Variants in TMC1 observed in about 807,000 individuals in gnomAD.
TMC1 encodes the protein transmembrane channel like 1, also known as transmembrane channel-like protein 1.
Under a neutral mutation model 105.8 loss-of-function variants are expected in TMC1, and 84 were observed. The observed-to-expected ratio is 0.79, with a 90% CI of 0.67 to 0.95. The LOEUF is 0.95. TMC1 is among the 40% of genes least tolerant of loss of function. The probability of loss-of-function intolerance (pLI) is 0.00; values close to 1 mark genes in which losing one functional copy is unlikely to be tolerated. For synonymous variants in TMC1, 315 were observed against 311.5 expected (o/e 1.01, Z -0.12); for missense variants, 817 against 914.1 (o/e 0.89, Z 1.37).
At chr9:72,636,144 G>A (rs1825530984) in intron 4 of TMC1, among the ~76,000 whole-genome samples, 1 of 152,138 alleles carries the variant, frequency 6.6e-6, no homozygotes, top group Admixed American at 6.5e-5. Context: ...CCTGAGGATG[G>A]AGACTTTCTA....
rs185001472 is a variant in TMC1 at position 72,682,458 on chromosome 9, T to C, written c.17-6251T>C. On this transcript the variant is annotated intron_variant, in intron 5 of 23. Transcript: ENST00000297784. ...AGAACTACATAATTATTCTCTTCAT[T>C]CAATGGCTTCTGAAATATTATGTTT... is the stretch of plus-strand genomic sequence containing the variant. Among the ~76,000 whole-genome samples, 619 of 152,314 alleles carry C rather than the reference T, an allele frequency of 4.1e-3. 5 individuals are homozygous for C. Among genetic ancestry groups the C allele is most frequent in the African/African-American group, 0.013 (558 of 41,570 alleles).
Position 72,698,377 on chromosome 9 carries a change from TTGTAAGGTGAACTATAAAACTGTGGATA to T in TMC1, c.237-2137_237-2110del, listed in dbSNP as rs59413829. On this transcript the variant is annotated intron_variant, in intron 7 of 23. Transcript: ENST00000297784. ...CAAATAAAGGAGATTGAAAGTCATT[TTGTAAGGTGAACTATAAAACTGTGGATA>T]TGTCCTTTTCCTCAACTAGAACTTT... Among the ~76,000 whole-genome samples, 340 of 152,340 alleles carry T rather than the reference TTGTAAGGTGAACTATAAAACTGTGGATA, an allele frequency of 2.2e-3. 3 individuals are homozygous for T. The highest frequency in any genetic ancestry group is 7.9e-3 in the African/African-American group (328 of 41,588).
chr9:72,740,483 T>C (rs1264684349), intron 9 of TMC1, among the ~76,000 whole-genome samples: 6 of 152,210 alleles, frequency 3.9e-5, no homozygotes. Flanking sequence ...TATAAAAGAT[T>C]GCATCCTTTT....
intron 1 of TMC1, among the ~76,000 whole-genome samples, chr9:72,552,596 A>G (rs1268721999): frequency 2.0e-5 from 3 of 152,232 alleles, no homozygotes; most frequent in Non-Finnish European, 4.4e-5. Context: ...ATCACAAGAT[A>G]CTTGGAAAAG....
chr9:72,791,848 C>A, intron 15 of TMC1, 38 bp from the exon 16 acceptor site: 1 of 1,571,058 alleles, frequency 6.4e-7, no homozygotes, highest in Non-Finnish European at 8.7e-7. Context: ...TAACTTTAAA[C>A]ACCATTAACC....
At chr9:72,613,817 TGA>T (rs1825076920) in intron 2 of TMC1, among the ~76,000 whole-genome samples, 1 of 151,978 alleles carries the variant, frequency 6.6e-6, no homozygotes, top group South Asian at 2.1e-4. Context: ...TCTCAGGAGT[TGA>T]GAGAGACTGG....
At chr9:72,682,324 A>T (rs1826301861) in intron 5 of TMC1, among the ~76,000 whole-genome samples, 1 of 152,162 alleles carries the variant, frequency 6.6e-6, no homozygotes, top group Non-Finnish European at 1.5e-5. Flanking sequence ...TTATCCCCAG[A>T]TACTTTGATG....
chr9:72,630,664 A>G (rs1825434497), intron 4 of TMC1, among the ~76,000 whole-genome samples: 1 of 152,218 alleles, frequency 6.6e-6, no homozygotes, highest in East Asian at 1.9e-4. Flanking sequence ...TTGTGTTTAT[A>G]TATGTCTGCA....
chr9:72,831,511 A>C (rs1016117218), intron 23 of TMC1, among the ~76,000 whole-genome samples: 1 of 152,086 alleles, frequency 6.6e-6, no homozygotes, highest in Non-Finnish European at 1.5e-5. Flanking sequence ...ATATGTATAC[A>C]TGTGCCATGT....
intron 4 of TMC1, among the ~76,000 whole-genome samples, chr9:72,634,658 C>T (rs1825503814): frequency 6.6e-6 from 1 of 152,200 alleles, no homozygotes; most frequent in African/African-American, 2.4e-5. Flanking sequence ...CATGGCCCCA[C>T]TTGAAATGAG....
intron 4 of TMC1, among the ~76,000 whole-genome samples, chr9:72,642,943 T>C (rs2132145408): frequency 6.6e-6 from 1 of 152,314 alleles, no homozygotes; most frequent in African/African-American, 2.4e-5. Flanking sequence ...ATTTCCTGTC[T>C]ATAGTTTTGC....
At chr9:72,824,250 C>T (rs191466815) in intron 20 of TMC1, among the ~76,000 whole-genome samples, 33 of 152,348 alleles carry the variant, frequency 2.2e-4, no homozygotes, top group Admixed American at 7.8e-4. Context: ...TACAATGCTT[C>T]CTGAGTTCCA....
chr9:72,652,924 A>G (rs1201265787), intron 5 of TMC1, among the ~76,000 whole-genome samples: 1 of 152,206 alleles, frequency 6.6e-6, no homozygotes, highest in African/African-American at 2.4e-5. Flanking sequence ...TTGGCCATAT[A>G]AAATTTTTTT....
intron 13 of TMC1, among the ~76,000 whole-genome samples, chr9:72,776,099 G>T (rs971814717): frequency 5.3e-5 from 8 of 152,098 alleles, no homozygotes; most frequent in African/African-American, 1.9e-4. Context: ...CCTGGGATTA[G>T]ATATAATTTT....
intron 5 of TMC1, chr9:72,655,958 A>G: frequency 1.2e-6 from 1 of 813,038 alleles, no homozygotes; most frequent in Non-Finnish European, 2.2e-6. Flanking sequence ...TCTGGAAATG[A>G]TCCCATGGCT....
At chr9:72,747,938 T>C (rs934908302) in intron 10 of TMC1, among the ~76,000 whole-genome samples, 1 of 152,174 alleles carries the variant, frequency 6.6e-6, no homozygotes, top group Non-Finnish European at 1.5e-5. Flanking sequence ...GGAAGCAGCA[T>C]TTATCAGTCT....
At chr9:72,680,951 A>G (rs1421756447) in intron 5 of TMC1, among the ~76,000 whole-genome samples, 1 of 152,100 alleles carries the variant, frequency 6.6e-6, no homozygotes, top group East Asian at 1.9e-4. Context: ...TTGCTTATCC[A>G]TGAACCCTGA....
intron 2 of TMC1, among the ~76,000 whole-genome samples, chr9:72,612,278 C>T (rs1406194169): frequency 1.3e-5 from 2 of 152,126 alleles, no homozygotes; most frequent in Admixed American, 6.5e-5. Context: ...TTAGGTGATC[C>T]TTCCACCTCA....
Position 72,836,074 on chromosome 9 carries a change from T to G in TMC1, c.*101T>G. The G allele has an allele frequency of 1.5e-6, 2 of 1,355,100 alleles. No homozygotes were observed. Among genetic ancestry groups the G allele is most frequent in the Non-Finnish European group, 2.1e-6 (2 of 953,452 alleles). 83.9% of individuals were successfully genotyped at this position (1,355,100 alleles called of 1,614,324 possible). A position where few individuals can be genotyped will look rare whatever the true frequency, so the allele number is the denominator to read the frequency against. ...GAACAAGCACTGTGGAACTGCTATT[T>G]TCCTGTTCTACCCTTGATGGATTTT... On this transcript the variant is annotated 3_prime_UTR_variant, in exon 24 of 24. Coordinates refer to ENST00000297784, the MANE Select transcript of TMC1 (RefSeq NM_138691.3).
Sources: allele counts gnomAD v4.1 joint callset (sites outside exome capture counted in the v4.1 genomes callset), GRCh38; gene constraint gnomAD v4.1.1; transcripts MANE v1.5; gene names NCBI Gene and HGNC (gene_info 2026-07-23, HGNC 2026-07-21).